CNDP1: variants seen among roughly 807,000 people sequenced by gnomAD.
The protein encoded by CNDP1 is beta-Ala-His dipeptidase.
CNDP1 carries 44 observed loss-of-function variants against 58.1 expected under a neutral mutation model. The observed-to-expected ratio is 0.76, with a 90% CI of 0.60 to 0.97. The LOEUF is 0.97. Ranked by LOEUF, CNDP1 falls within the 50% of genes least tolerant of loss-of-function variation. The probability of loss-of-function intolerance (pLI) is 0.00; values close to 1 mark genes in which losing one functional copy is unlikely to be tolerated. For synonymous variants in CNDP1, 254 were observed against 252.6 expected (o/e 1.01, Z -0.05); for missense variants, 616 against 655.1 (o/e 0.94, Z 0.65).
intron 10 of CNDP1, among the ~76,000 whole-genome samples, chr18:74,581,929 G>T (rs1278146304): frequency 6.6e-6 from 1 of 152,246 alleles, no homozygotes; most frequent in African/African-American, 2.4e-5. Context: ...GGCAAAGCCA[G>T]AAAGGGAAGC....
Position 74,564,546 on chromosome 18 carries a change from T to A in CNDP1, c.555+2411T>A, listed in dbSNP as rs571258383. On this transcript the variant is annotated intron_variant, in intron 5 of 11. Transcript: ENST00000358821. ...GGCTTAACAATCTTTCAAAGGAAAA[T>A]GTTCTCCTTTTTCATGCTCAGAATT... 1.3e-3 allele frequency among the ~76,000 whole-genome samples: 202 copies of A among 152,200 alleles called. 6 individuals carry two copies. In the South Asian group the frequency reaches 0.036, roughly 27 times the overall value.
rs1415783586 is a variant in CNDP1, at chr18:74,576,924, G to A, written c.897G>A (p.Val299=). ...TGGTCCCTGGAATCTATGATGAAGTGGTTCCTCTTACAGAAGAGGAAATAA... is the reference window on the plus strand; with the variant it reads ...TGGTCCCTGGAATCTATGATGAAGTAGTTCCTCTTACAGAAGAGGAAATAA... The part of the protein sequence containing the change: ...HILVPGIYDE[V]VPLTEEEINT... The change falls in exon 8 of 12, where the codon GTG becomes GTA. Residue 299 remains valine, a synonymous_variant. Transcript: ENST00000358821. The A allele has an allele frequency of 6.2e-7, 1 of 1,612,802 alleles. No individual in the cohort carries two copies. The highest frequency in any genetic ancestry group is 1.7e-5 in the Admixed American group (1 of 59,938).
At chr18:74,547,820 G>A (rs1599087574) in intron 1 of CNDP1, among the ~76,000 whole-genome samples, 1 of 152,236 alleles carries the variant, frequency 6.6e-6, no homozygotes, top group South Asian at 2.1e-4. Context: ...TGGTAACACA[G>A]CAGAGGATGT....
At chr18:74,567,024 C>T (rs1981345054) in intron 5 of CNDP1, 1 of 568,302 alleles carries the variant, frequency 1.8e-6, no homozygotes, top group Non-Finnish European at 3.1e-6. Flanking sequence ...AAGCAAACCC[C>T]TGATAAACCC....
At chr18:74,547,507 C>A (rs1980792364) in intron 1 of CNDP1, among the ~76,000 whole-genome samples, 1 of 152,218 alleles carries the variant, frequency 6.6e-6, no homozygotes, top group Admixed American at 6.5e-5. Flanking sequence ...GGGGTTTTCC[C>A]ACAGCACCCC....
In CNDP1 at chr18:74,534,683, G is replaced by C; in HGVS notation, c.16G>C (p.Gly6Arg). ...CTCCAGCCTAATGGATCCCAAACTC[G>C]GGAGAATGGTGAGTAGGACCTCCTC... MDPKL[G>R]RMAASLLAVL... The change falls in exon 1 of 12, where the codon GGG (glycine) becomes CGG (arginine). Residue 6 changes from glycine (G) to arginine (R), a missense_variant. By Grantham distance (125) the Gly-to-Arg change is moderately radical. Coordinates refer to ENST00000358821, the MANE Select transcript of CNDP1 (RefSeq NM_032649.6). The C allele has an allele frequency of 6.2e-7, 1 of 1,613,896 alleles. No individual in the cohort carries two copies. The highest frequency in any genetic ancestry group is 8.5e-7 in the Non-Finnish European group (1 of 1,179,936).
intron 8 of CNDP1, 68 bp downstream of exon 8, chr18:74,577,097 C>T: frequency 2.9e-6 from 4 of 1,384,840 alleles, no homozygotes; most frequent in Non-Finnish European, 3.9e-6. Context: ...TGCCCTCTGT[C>T]TAAGTCATTG....
intron 9 of CNDP1, among the ~76,000 whole-genome samples, chr18:74,579,330 T>TCCATCCCCTCCCCCTCCCCTCC (rs1981728700): frequency 1.5e-5 from 1 of 66,582 alleles, no homozygotes; most frequent in African/African-American, 5.9e-5. Flanking sequence ...CCCTCCCCTC[T>TCCATCCCCTCCCCCTCCCCTCC]CCATCCCCTC....
chr18:74,545,940 C>T lies in CNDP1; in HGVS notation c.25-10398C>T, dbSNP rs1246672251. Among the ~76,000 whole-genome samples the T allele has an allele frequency of 1.3e-5, 2 of 152,124 alleles. No homozygotes were observed. Among genetic ancestry groups the T allele is most frequent in the Admixed American group, 1.3e-4 (2 of 15,278 alleles). Reference sequence around the variant, plus strand: ...CCTCTCACCCCTCAAAACCGAGAGCCATGCCCTGTTTCCCCATTGGAAACA... The same window carrying T: ...CCTCTCACCCCTCAAAACCGAGAGCTATGCCCTGTTTCCCCATTGGAAACA... On this transcript the variant is annotated intron_variant, in intron 1 of 11. Coordinates refer to ENST00000358821, the MANE Select transcript of CNDP1 (RefSeq NM_032649.6). The surrounding 1 kb of genome is among the most constrained non-coding windows in gnomAD (Gnocchi z 4.1).
intron 1 of CNDP1, among the ~76,000 whole-genome samples, chr18:74,547,444 A>T (rs1424508893): frequency 6.6e-6 from 1 of 152,186 alleles, no homozygotes; most frequent in African/African-American, 2.4e-5. Flanking sequence ...TTCATTTTCT[A>T]TTCTTTCTTC....
Position 74,576,999 on chromosome 18 carries a change from C to A in CNDP1, c.972C>A (p.Ser324Arg). ...ACCTAGAAGAATACCGGAATAGCAG[C>A]CGGGTTGAGAAATTTCTGTTCGATA... ...HLDLEEYRNS[S>R]RVEKFLFDTK... Residue 324 changes from serine to arginine, a missense_variant, in exon 8 of 12, where the codon AGC becomes AGA. Ser to Arg is a moderately radical substitution (Grantham distance 110, BLOSUM62 -1). Transcript: ENST00000358821. The A allele has an allele frequency of 5.6e-6, 9 of 1,612,824 alleles. No individual in the cohort carries two copies. The highest frequency in any genetic ancestry group is 7.6e-6 in the Non-Finnish European group (9 of 1,179,484).
intron 1 of CNDP1, among the ~76,000 whole-genome samples, chr18:74,554,694 G>A (rs957656020): frequency 2.6e-5 from 4 of 152,146 alleles, no homozygotes; most frequent in Non-Finnish European, 4.4e-5. Flanking sequence ...AGGTCTGGTG[G>A]GAGAAGCAGG....
rs1458790639 is a variant in CNDP1, at chr18:74,583,624, A to T, written c.1373A>T (p.Gln458Leu). 1 of 1,614,006 alleles carries T rather than the reference A, an allele frequency of 6.2e-7. No individual in the cohort carries two copies. Among genetic ancestry groups the T allele is most frequent in the African/African-American group, 1.3e-5 (1 of 74,928 alleles). Residue 458 changes from glutamine to leucine, a missense_variant, in exon 11 of 12, where the codon CAG (glutamine) becomes CTG (leucine). Coordinates refer to ENST00000358821, the MANE Select transcript of CNDP1 (RefSeq NM_032649.6). ...GSTIPIAKMFQEIVHKSVVLI... is the reference protein window; with the variant it reads ...GSTIPIAKMFLEIVHKSVVLI... ...ACCATTCCAATTGCCAAAATGTTCC[A>T]GGAGATCGTCCACAAGAGCGTGGTG...
chr18:74,571,413 C>T (rs1477188554), intron 7 of CNDP1, 143 bp downstream of exon 7: 6 of 609,188 alleles, frequency 9.8e-6, no homozygotes, highest in African/African-American at 5.6e-5. Flanking sequence ...CCTTGGCAAA[C>T]TGTTCCCTCC....
At chr18:74,576,180 T>C (rs1981633012) in intron 7 of CNDP1, 1 of 151,348 alleles carries the variant, frequency 6.6e-6, no homozygotes, top group South Asian at 2.1e-4. Context: ...ATAATTTTTT[T>C]TTTGAGACAG....
intron 8 of CNDP1, chr18:74,577,611 C>A (rs1444293257): frequency 6.6e-6 from 1 of 152,444 alleles, no homozygotes; most frequent in African/African-American, 2.4e-5. Flanking sequence ...GGGGAAGGGG[C>A]CGAGAGGGGG....
chr18:74,575,736 T>A, intron 7 of CNDP1, among the ~76,000 whole-genome samples: 1 of 152,060 alleles, frequency 6.6e-6, no homozygotes, highest in Non-Finnish European at 1.5e-5. Context: ...TGTGTGTGTG[T>A]GCGTGTGTGC....
chr18:74,571,946 G>A (rs955627939), intron 7 of CNDP1, among the ~76,000 whole-genome samples: 6 of 152,054 alleles, frequency 3.9e-5, no homozygotes, highest in East Asian at 3.9e-4. Flanking sequence ...GGGCACAATC[G>A]TCTGTTCACC....
chr18:74,577,973 G>A (rs1410744813), intron 8 of CNDP1, 190 bp from the exon 9 acceptor site: 2 of 538,764 alleles, frequency 3.7e-6, no homozygotes, highest in Admixed American at 3.4e-5. Context: ...GTGATGGGTA[G>A]TGAAGGCATC....
Sources: allele counts gnomAD v4.1 joint callset (sites outside exome capture counted in the v4.1 genomes callset), GRCh38; gene constraint gnomAD v4.1.1; non-coding constraint Gnocchi (gnomAD v3.1); transcripts MANE v1.5; gene names NCBI Gene and HGNC (gene_info 2026-07-23, HGNC 2026-07-21).